CGNL1: variants seen among roughly 807,000 people sequenced by gnomAD.
CGNL1 encodes cingulin like 1, also known as cingulin-like protein 1.
CGNL1 carries 132 observed loss-of-function variants against 141.2 expected under a neutral mutation model. The ratio of observed to expected loss-of-function variants is 0.93; its 90% confidence interval spans 0.81 to 1.08. CGNL1 has a LOEUF of 1.08. CGNL1 is among the 50% of genes least tolerant of loss of function. The probability of loss-of-function intolerance (pLI) is 0.00; values close to 1 mark genes in which losing one functional copy is unlikely to be tolerated. For missense variants in CGNL1, 1,870 were observed against 1,588.6 expected (o/e 1.18, Z -3.01); for synonymous variants, 690 against 622.1 (o/e 1.11, Z -1.63).
chr15:57,440,476 G>A lies in CGNL1; in HGVS notation c.1697+5G>A. On this transcript the variant is annotated splice_donor_5th_base_variant and intron_variant, in intron 3 of 18. Transcript: ENST00000281282. ...CTACAATTACCTCAAAGAAGGGTTA[G>A]TGATTTTCCCTCTGAAAGAGCAAAG... The A allele has an allele frequency of 6.4e-7, 1 of 1,572,790 alleles. No individual in the cohort carries two copies. The highest frequency in any genetic ancestry group is 8.7e-7 in the Non-Finnish European group (1 of 1,154,536).
intron 7 of CGNL1, among the ~76,000 whole-genome samples, chr15:57,458,811 T>C (rs975180821): frequency 1.3e-5 from 2 of 152,176 alleles, no homozygotes; most frequent in Non-Finnish European, 2.9e-5. Flanking sequence ...TTTCATAAGA[T>C]CTCTGTGTTT....
intron 13 of CGNL1, among the ~76,000 whole-genome samples, chr15:57,529,722 A>T (rs2031848954): frequency 6.6e-6 from 1 of 152,182 alleles, no homozygotes; most frequent in African/African-American, 2.4e-5. Context: ...AGTTTTGATA[A>T]AAGACAGTGC....
intron 1 of CGNL1, among the ~76,000 whole-genome samples, chr15:57,381,752 T>A (rs1353563349): frequency 6.6e-6 from 1 of 152,170 alleles, no homozygotes; most frequent in Non-Finnish European, 1.5e-5. Flanking sequence ...TTTACTATTT[T>A]CCTCTACCTC....
intron 8 of CGNL1, among the ~76,000 whole-genome samples, chr15:57,473,285 T>C (rs191190581): frequency 1.3e-4 from 20 of 152,258 alleles, no homozygotes; most frequent in African/African-American, 4.8e-4. Flanking sequence ...TGGATATTTT[T>C]CTAAAGACTT....
rs142033272 is a variant in CGNL1 at position 57,445,368 on chromosome 15, G to A, written c.1803+2890G>A. Among the ~76,000 whole-genome samples, 16 of 152,224 alleles carry A rather than the reference G, an allele frequency of 1.1e-4. No homozygotes were observed. In the East Asian group the frequency reaches 2.7e-3, roughly 26 times the overall value. On this transcript the variant is annotated intron_variant, in intron 4 of 18. Coordinates refer to ENST00000281282, the MANE Select transcript of CGNL1 (RefSeq NM_032866.5). The stretch of plus-strand genomic sequence containing the variant: ...AGCTCCATGACTGTTTAATTGCCAC[G>A]TTTTCCTACTCCTCTTCCCTCCCTC...
intron 1 of CGNL1, among the ~76,000 whole-genome samples, chr15:57,393,457 A>T (rs2062565003): frequency 6.6e-6 from 1 of 152,208 alleles, no homozygotes; most frequent in Non-Finnish European, 1.5e-5. Context: ...GTGCAGTGGA[A>T]TGATTCCAGT....
intron 1 of CGNL1, among the ~76,000 whole-genome samples, chr15:57,388,366 G>A (rs564632615): frequency 7.2e-5 from 11 of 152,264 alleles, no homozygotes; most frequent in African/African-American, 2.6e-4. Flanking sequence ...ACGAAGACAG[G>A]AGGGTGAGGG....
At chr15:57,526,985 A>G (rs11856674) in intron 12 of CGNL1, among the ~76,000 whole-genome samples, 19,393 of 152,202 alleles carry the variant, frequency 0.13, 1,551 homozygotes, top group Admixed American at 0.18. Context: ...GATTCTCATA[A>G]TAGCTTTAGA....
In CGNL1 at chr15:57,461,831, T is replaced by A; in HGVS notation, c.2342T>A (p.Leu781Gln). Reference protein sequence around the residue: ...VSSHDQEMDKLKEQYDAELQA... With the variant: ...VSSHDQEMDKQKEQYDAELQA... The stretch of plus-strand genomic sequence containing the variant: ...AGCCATGATCAGGAGATGGACAAGC[T>A]GAAGGAGCAATATGATGCTGAGTTG... Residue 781 changes from leucine to glutamine, a missense_variant, in exon 8 of 19, where the codon CTG becomes CAG. Physicochemically the swap from Leu to Gln is moderately radical, Grantham distance 113. Transcript: ENST00000281282. 1 of 1,614,012 alleles carries A rather than the reference T, an allele frequency of 6.2e-7. No individual in the cohort carries two copies. The highest frequency in any genetic ancestry group is 8.5e-7 in the Non-Finnish European group (1 of 1,179,996).
intron 8 of CGNL1, among the ~76,000 whole-genome samples, chr15:57,476,185 A>G (rs1432816649): frequency 2.0e-5 from 3 of 152,076 alleles, no homozygotes; most frequent in South Asian, 2.1e-4. Context: ...AGAAGTTCGG[A>G]AAAGGGTGAC....
chr15:57,422,570 T>C (rs1219643854), intron 1 of CGNL1, among the ~76,000 whole-genome samples: 1 of 152,182 alleles, frequency 6.6e-6, no homozygotes, highest in Non-Finnish European at 1.5e-5. Flanking sequence ...GTCTGGAGGA[T>C]GGTTTTGGAC....
At position 57,438,305 on chromosome 15, in the gene CGNL1, G is replaced by A. The variant is rs2152305680; in HGVS notation, c.306G>A (p.Gln102=). 6.2e-7 allele frequency: 1 copy of A among 1,614,132 alleles called. No individual in the cohort carries two copies. The highest frequency in any genetic ancestry group is 2.2e-5 in the East Asian group (1 of 44,886). Residue 102 remains glutamine (Q), a synonymous_variant, in exon 2 of 19, where the codon CAG becomes CAA. Transcript: ENST00000281282. ...CAAAGGAGAACAGTGAAGAACTTCA[G>A]CTTCCAGAAAACCCATACGCCCAGC... ...SVPKENSEEL[Q]LPENPYAQPS...
chr15:57,517,937 G>T (rs574676976), intron 9 of CGNL1, among the ~76,000 whole-genome samples: 28 of 151,930 alleles, frequency 1.8e-4, no homozygotes, highest in African/African-American at 6.8e-4. Context: ...TGTGTGTGTG[G>T]GGGTCCATTC....
At chr15:57,472,163 G>A (rs2063590299) in intron 8 of CGNL1, among the ~76,000 whole-genome samples, 3 of 152,048 alleles carry the variant, frequency 2.0e-5, no homozygotes, top group Admixed American at 6.6e-5. Flanking sequence ...TGAGGAAAAC[G>A]ATGATGGAAA....
chr15:57,418,398 G>A (rs1436096588), intron 1 of CGNL1, among the ~76,000 whole-genome samples: 1 of 151,606 alleles, frequency 6.6e-6, no homozygotes, highest in African/African-American at 2.4e-5. Flanking sequence ...CTCCTATTCG[G>A]TTTCTCCCGT....
At chr15:57,412,570 CCT>C (rs1419603157) in intron 1 of CGNL1, among the ~76,000 whole-genome samples, 2 of 152,074 alleles carry the variant, frequency 1.3e-5, no homozygotes, top group African/African-American at 2.4e-5. Context: ...ATAGCCAGGC[CCT>C]GTTTGCCTTC....
At chr15:57,449,871 C>G (rs575492959) in intron 4 of CGNL1, among the ~76,000 whole-genome samples, 1 of 152,182 alleles carries the variant, frequency 6.6e-6, no homozygotes, top group Non-Finnish European at 1.5e-5. Context: ...TTTTCCCATG[C>G]GTTTTGATGG....
chr15:57,380,618 C>G (rs1261425575), intron 1 of CGNL1, among the ~76,000 whole-genome samples: 3 of 152,074 alleles, frequency 2.0e-5, no homozygotes, highest in Non-Finnish European at 4.4e-5. Context: ...GGCCCGTACC[C>G]CAAATGACTG....
At chr15:57,482,967 A>G (rs2063744213) in intron 8 of CGNL1, among the ~76,000 whole-genome samples, 1 of 152,020 alleles carries the variant, frequency 6.6e-6, no homozygotes, top group Non-Finnish European at 1.5e-5. Context: ...TTGTATTTTT[A>G]ATAGAGACAG....
Sources: gnomAD v4.1 joint callset for allele counts (sites outside exome capture counted in the v4.1 genomes callset) on GRCh38, gnomAD v4.1.1 for gene constraint, MANE v1.5 for transcripts, NCBI Gene and HGNC (gene_info 2026-07-23, HGNC 2026-07-21) for gene names.